The following ZFYVE28 variants were observed in gnomAD, a reference collection of about 807,000 sequenced individuals.
The protein encoded by ZFYVE28 is zinc finger FYVE-type containing 28.
ZFYVE28 carries 40 observed loss-of-function variants against 82.1 expected under a neutral mutation model. The observed-to-expected ratio is 0.49, with a 90% CI of 0.38 to 0.63. ZFYVE28 has a LOEUF of 0.63. Ranked by LOEUF, ZFYVE28 falls within the 30% of genes least tolerant of loss-of-function variation. The pLI is 0.00. For missense variants in ZFYVE28, 1,321 were observed against 1,242.1 expected (o/e 1.06, Z -0.96); for synonymous variants, 612 against 546.1 (o/e 1.12, Z -1.68).
intron 2 of ZFYVE28, among the ~76,000 whole-genome samples, chr4:2,344,871 G>A (rs1015993393): frequency 7.9e-5 from 12 of 151,296 alleles, no homozygotes; most frequent in African/African-American, 2.9e-4. Context: ...ACTCCAGCCT[G>A]GGCAATATGA....
rs1718992937 is a variant in ZFYVE28 at position 2,320,997 on chromosome 4, C to T, written c.702-726G>A. Among the ~76,000 whole-genome samples, 1 of 152,132 alleles carries T rather than the reference C, an allele frequency of 6.6e-6. No homozygotes were observed. Among genetic ancestry groups the T allele is most frequent in the African/African-American group, 2.4e-5 (1 of 41,426 alleles). On this transcript the variant is annotated intron_variant, in intron 6 of 12. Coordinates refer to ENST00000290974, the MANE Select transcript of ZFYVE28 (RefSeq NM_020972.3). This position sits in a 1 kb window ranked among gnomAD's most constrained non-coding sequence, Gnocchi z 5.1. ...CCTCTCCACGCACCGTCCAGCCCTG[C>T]CAAGCTCCGAGTGTGCCTTGATCAT...
rs530203555 is a variant in ZFYVE28, at chr4:2,303,181, C to T, written c.2051+1108G>A. Among the ~76,000 whole-genome samples the T allele has an allele frequency of 6.2e-3, 940 of 152,194 alleles. 4 individuals are homozygous for T. The highest frequency in any genetic ancestry group is 9.6e-3 in the South Asian group (46 of 4,800). ...GAGGCCCTGAGTCCTGAGTGGGCAG[C>T]GGAAAGGAAGAACGGCCTGACCGTC... On this transcript the variant is annotated intron_variant, in intron 8 of 12. Coordinates refer to ENST00000290974, the MANE Select transcript of ZFYVE28 (RefSeq NM_020972.3).
intron 1 of ZFYVE28, among the ~76,000 whole-genome samples, chr4:2,388,657 G>A (rs1215261725): frequency 6.6e-6 from 1 of 152,170 alleles, no homozygotes; most frequent in Non-Finnish European, 1.5e-5. Context: ...GAACGAACAC[G>A]GTGGATGACG....
At chr4:2,414,077 T>C (rs1732792351) in intron 1 of ZFYVE28, among the ~76,000 whole-genome samples, 1 of 152,224 alleles carries the variant, frequency 6.6e-6, no homozygotes, top group Non-Finnish European at 1.5e-5. Context: ...CATCTGCCAC[T>C]TCGTTTCCAG....
intron 6 of ZFYVE28, among the ~76,000 whole-genome samples, chr4:2,331,776 G>T (rs1279662819): frequency 1.3e-5 from 2 of 152,172 alleles, no homozygotes; most frequent in African/African-American, 2.4e-5. Flanking sequence ...ACCCCACCAG[G>T]CTGGGGACAC....
chr4:2,399,093 C>CCAGGGCACAAGCGTGGAGGTGAGAGA (rs1730868256), intron 1 of ZFYVE28, among the ~76,000 whole-genome samples: 1 of 45,620 alleles, frequency 2.2e-5, no homozygotes. Flanking sequence ...AAGGTGAGAT[C>CCAGGGCACAAGCGTGGAGGTGAGAGA]CAGGGCACAA....
At chr4:2,404,957 C>T (rs1343459810) in intron 1 of ZFYVE28, among the ~76,000 whole-genome samples, 1 of 150,574 alleles carries the variant, frequency 6.6e-6, no homozygotes, top group East Asian at 2.0e-4. Flanking sequence ...CTTCAAACTC[C>T]TGGGCTCAAG....
intron 2 of ZFYVE28, among the ~76,000 whole-genome samples, chr4:2,345,035 C>T (rs1227491932): frequency 6.6e-6 from 1 of 151,868 alleles, no homozygotes; most frequent in African/African-American, 2.4e-5. Context: ...CACAGTGAAA[C>T]CCCGTCTCTA....
At position 2,320,632 on chromosome 4, in the gene ZFYVE28, T is replaced by C. The variant is rs1435894772; in HGVS notation, c.702-361A>G. ...TTCTTGCAAGTAATAAAAACTGGAT[T>C]TGTGGTTAAATTTATCTGCAGAGCT... On this transcript the variant is annotated intron_variant, in intron 6 of 12. Coordinates refer to ENST00000290974, the MANE Select transcript of ZFYVE28 (RefSeq NM_020972.3). This position sits in a 1 kb window ranked among gnomAD's most constrained non-coding sequence, Gnocchi z 5.1. Among the ~76,000 whole-genome samples, 3 of 152,212 alleles carry C rather than the reference T, an allele frequency of 2.0e-5. No homozygotes were observed. Among genetic ancestry groups the C allele is most frequent in the Non-Finnish European group, 4.4e-5 (3 of 68,024 alleles).
intron 6 of ZFYVE28, among the ~76,000 whole-genome samples, chr4:2,323,166 G>C (rs1401016598): frequency 2.6e-5 from 4 of 152,142 alleles, no homozygotes; most frequent in African/African-American, 7.2e-5. Context: ...TTACACTCCT[G>C]CCAGCAATCC....
At chr4:2,304,066 G>C (rs931903738) in intron 8 of ZFYVE28, among the ~76,000 whole-genome samples, 2 of 152,220 alleles carry the variant, frequency 1.3e-5, no homozygotes, top group Non-Finnish European at 2.9e-5. Context: ...GCCCGCTGGC[G>C]CACATTTTCT....
intron 8 of ZFYVE28, among the ~76,000 whole-genome samples, chr4:2,293,640 C>A (rs1714082502): frequency 6.6e-6 from 1 of 151,140 alleles, no homozygotes; most frequent in Non-Finnish European, 1.5e-5. Context: ...GTAGTCCCAG[C>A]TACTCGGGAG....
At chr4:2,293,616 A>G (rs12506553) in intron 8 of ZFYVE28, among the ~76,000 whole-genome samples, 86,193 of 151,500 alleles carry the variant, frequency 0.57, 24,984 homozygotes, top group Admixed American at 0.61. Context: ...AGCTGGGCGT[A>G]GTGGCAGGCA....
intron 5 of ZFYVE28, among the ~76,000 whole-genome samples, chr4:2,337,195 C>T (rs1721960820): frequency 6.6e-6 from 1 of 152,042 alleles, no homozygotes; most frequent in African/African-American, 2.4e-5. Context: ...TGGAAGGGGG[C>T]CGGGCAGAGG....
intron 7 of ZFYVE28, among the ~76,000 whole-genome samples, chr4:2,316,909 G>T (rs1718300095): frequency 6.6e-6 from 1 of 151,632 alleles, no homozygotes; most frequent in African/African-American, 2.4e-5. Context: ...AGCCAGGATG[G>T]TCTCGATCTC....
At chr4:2,293,520 G>C (rs531147916) in intron 8 of ZFYVE28, among the ~76,000 whole-genome samples, 1 of 152,102 alleles carries the variant, frequency 6.6e-6, no homozygotes, top group Non-Finnish European at 1.5e-5. Context: ...TTGGGAGGCC[G>C]AGGCAGGTGG....
chr4:2,318,612 G>C (rs563154998), intron 7 of ZFYVE28, among the ~76,000 whole-genome samples: 2 of 152,134 alleles, frequency 1.3e-5, no homozygotes, highest in African/African-American at 4.8e-5. Context: ...CTGGGTGGGC[G>C]GGGGGCACAA....
chr4:2,317,299 C>G (rs1339475170), intron 7 of ZFYVE28, among the ~76,000 whole-genome samples: 4 of 152,122 alleles, frequency 2.6e-5, no homozygotes, highest in Non-Finnish European at 5.9e-5. Context: ...ACATTTTAAG[C>G]AATTTTGGAT....
intron 8 of ZFYVE28, among the ~76,000 whole-genome samples, chr4:2,283,439 TCATCCATCCACCCATCCACCCACC>T (rs1442848257): frequency 3.8e-3 from 202 of 53,032 alleles, no homozygotes; most frequent in Non-Finnish European, 5.4e-3. Context: ...ACCCATCCAC[TCATCCATCCACCCATCCACCCACC>T]CATCCATCCA....
Sources: allele counts gnomAD v4.1 joint callset (sites outside exome capture counted in the v4.1 genomes callset), GRCh38; gene constraint gnomAD v4.1.1; non-coding constraint Gnocchi (gnomAD v3.1); transcripts MANE v1.5; gene names NCBI Gene and HGNC (gene_info 2026-07-23, HGNC 2026-07-21).